Variants in TSPEAR observed in about 807,000 individuals in gnomAD.
TSPEAR encodes the protein thrombospondin-type laminin G domain and EAR repeat-containing protein.
A neutral mutation model predicts 71.6 loss-of-function variants in TSPEAR; 69 were observed. The ratio of observed to expected loss-of-function variants is 0.96; its 90% CI spans 0.79 to 1.18. TSPEAR has a LOEUF of 1.18. Ranked by LOEUF, TSPEAR falls within the 50% of genes most tolerant of loss-of-function variation. TSPEAR has a pLI of 0.00. For synonymous variants in TSPEAR, 402 were observed against 387.2 expected (o/e 1.04, Z -0.45); for missense variants, 971 against 894.9 (o/e 1.09, Z -1.09).
At position 44,520,623 on chromosome 21, in the gene TSPEAR, G is replaced by A. The variant is rs189074423; in HGVS notation, c.1566+1260C>T. 2.1e-4 allele frequency: 32 copies of A among 152,340 alleles called. No individual in the cohort carries two copies. The highest frequency in any genetic ancestry group is 7.0e-4 in the African/African-American group (29 of 41,564). 9.4% of individuals were successfully genotyped at this position (152,340 alleles called of 1,614,324 possible). Reference sequence around the variant, plus strand: ...GGCTTCTCAAGGTGGTCACACTCCCGGTTTCCTAAGCTGCTCTTACTCCTG... The same window carrying A: ...GGCTTCTCAAGGTGGTCACACTCCCAGTTTCCTAAGCTGCTCTTACTCCTG... On this transcript the variant is annotated intron_variant, in intron 9 of 11. Coordinates refer to ENST00000323084, the MANE Select transcript of TSPEAR (RefSeq NM_144991.3). This position sits in a 1 kb window ranked among gnomAD's most constrained non-coding sequence, Gnocchi z 4.2.
intron 2 of TSPEAR, chr21:44,551,377 C>T (rs1555918898): frequency 1.2e-6 from 2 of 1,613,164 alleles, no homozygotes; most frequent in Admixed American, 3.3e-5. Context: ...CAGGGGAGCT[C>T]ACAGCAGCTC....
intron 2 of TSPEAR, chr21:44,557,861 C>T: frequency 1.4e-6 from 1 of 695,190 alleles, no homozygotes; most frequent in Non-Finnish European, 2.4e-6. Context: ...TGACCACCGG[C>T]TGGCCAGCAT....
chr21:44,708,019 A>G (rs1407927897), intron 1 of TSPEAR, among the ~76,000 whole-genome samples: 2 of 123,056 alleles, frequency 1.6e-5, no homozygotes, highest in African/African-American at 3.0e-5. Context: ...ACACACACAC[A>G]CACACACACA....
At chr21:44,683,431 C>A (rs1986707917) in intron 1 of TSPEAR, among the ~76,000 whole-genome samples, 1 of 151,990 alleles carries the variant, frequency 6.6e-6, no homozygotes, top group African/African-American at 2.4e-5. Context: ...TTTGGGAGAC[C>A]AAGATGGGAA....
At chr21:44,532,935 C>T (rs113639987) in intron 3 of TSPEAR, among the ~76,000 whole-genome samples, 82 of 152,342 alleles carry the variant, frequency 5.4e-4, no homozygotes, top group African/African-American at 7.2e-4. Context: ...TGTGGAGTCA[C>T]GGAGCCAGGC....
chr21:44,518,655 CT>C, intron 9 of TSPEAR: 1 of 470,840 alleles, frequency 2.1e-6, no homozygotes, highest in Non-Finnish European at 4.4e-6. Context: ...TCAAGACCCC[CT>C]GGAGGCCCGC....
At chr21:44,571,300 T>C (rs1367315494) in intron 1 of TSPEAR, among the ~76,000 whole-genome samples, 2 of 152,240 alleles carry the variant, frequency 1.3e-5, no homozygotes, top group African/African-American at 4.8e-5. Flanking sequence ...TCCTCCTGCC[T>C]TGGCCTCCCA....
chr21:44,501,543 G>A (rs1478718277), intron 11 of TSPEAR, among the ~76,000 whole-genome samples: 4 of 152,190 alleles, frequency 2.6e-5, no homozygotes, highest in Non-Finnish European at 5.9e-5. Context: ...CTTGCAGTGT[G>A]CCGAGACTGG....
intron 1 of TSPEAR, among the ~76,000 whole-genome samples, chr21:44,643,494 A>G (rs142766176): frequency 3.6e-4 from 55 of 152,344 alleles, no homozygotes; most frequent in Non-Finnish European, 6.2e-4. Flanking sequence ...CAATGTGTAC[A>G]TGTATCAAGA....
At chr21:44,664,893 A>T (rs1368474874) in intron 1 of TSPEAR, among the ~76,000 whole-genome samples, 1 of 152,220 alleles carries the variant, frequency 6.6e-6, no homozygotes, top group East Asian at 1.9e-4. Context: ...GCCAGGCCTC[A>T]TCCATGCTTC....
intron 9 of TSPEAR, 35 bp from the exon 10 acceptor site, chr21:44,509,421 G>A: frequency 1.9e-6 from 3 of 1,580,764 alleles, no homozygotes; most frequent in Non-Finnish European, 2.6e-6. Context: ...AGAGGTGTGG[G>A]GGAGCGGGCG....
At chr21:44,601,007 G>A (rs1555928527) in intron 1 of TSPEAR, 7 of 1,612,190 alleles carry the variant, frequency 4.3e-6, no homozygotes, top group Middle Eastern at 3.3e-4. Flanking sequence ...GTGCCTGTCT[G>A]CAGTGGGGAT....
chr21:44,699,669 C>A (rs968366687), intron 1 of TSPEAR, among the ~76,000 whole-genome samples: 9 of 152,260 alleles, frequency 5.9e-5, no homozygotes, highest in Non-Finnish European at 1.3e-4. Context: ...TTCTGGGATG[C>A]GTCTGTCTCA....
At chr21:44,610,228 C>A (rs1001935084) in intron 1 of TSPEAR, among the ~76,000 whole-genome samples, 2 of 152,238 alleles carry the variant, frequency 1.3e-5, no homozygotes, top group Admixed American at 6.5e-5. Flanking sequence ...TATTGTTAAT[C>A]CCCAAGACCA....
chr21:44,558,857 C>G (rs2053593273), intron 2 of TSPEAR: 3 of 1,149,162 alleles, frequency 2.6e-6, no homozygotes, highest in Non-Finnish European at 3.7e-6. Context: ...CTGCCCCTGC[C>G]TGGCTTCGAG....
At chr21:44,634,150 G>A (rs782059902) in intron 1 of TSPEAR, among the ~76,000 whole-genome samples, 1 of 152,216 alleles carries the variant, frequency 6.6e-6, no homozygotes, top group Non-Finnish European at 1.5e-5. Flanking sequence ...CTGGGAAACT[G>A]AGGTGGGAGG....
At chr21:44,691,110 A>ACATTTCTCTCTCTCTCCC (rs1987105042) in intron 1 of TSPEAR, among the ~76,000 whole-genome samples, 2 of 128,498 alleles carry the variant, frequency 1.6e-5, no homozygotes, top group Admixed American at 1.7e-4. Context: ...TCCTCTCTCC[A>ACATTTCTCTCTCTCTCCC]CACTTCTCTC....
intron 2 of TSPEAR, among the ~76,000 whole-genome samples, chr21:44,565,870 C>T (rs1157224885): frequency 1.3e-5 from 2 of 152,186 alleles, no homozygotes; most frequent in Non-Finnish European, 2.9e-5. Flanking sequence ...CACTAAAAAG[C>T]TGCCAGCTCA....
At chr21:44,518,922 G>A (rs1300434271) in intron 9 of TSPEAR, 5 of 251,868 alleles carry the variant, frequency 2.0e-5, no homozygotes, top group African/African-American at 4.5e-5. Context: ...TGGAGCCCCG[G>A]GTGTTTCCAC....
Sources: allele counts gnomAD v4.1 joint callset (sites outside exome capture counted in the v4.1 genomes callset), GRCh38; gene constraint gnomAD v4.1.1; non-coding constraint Gnocchi (gnomAD v3.1); transcripts MANE v1.5; gene names NCBI Gene and HGNC (gene_info 2026-07-23, HGNC 2026-07-21).